The following MAX variants were observed in gnomAD, a reference collection of about 807,000 sequenced individuals.
MAX encodes MYC associated transcriptional regulator X, also known as protein max.
A neutral mutation model predicts 22.3 loss-of-function variants in MAX; 3 were observed. The observed-to-expected ratio is 0.13, with a 90% CI of 0.06 to 0.35. MAX has a LOEUF of 0.35. Among genes scored for constraint, MAX ranks in the 10% least tolerant of loss-of-function variants. The pLI is 1.00. For synonymous variants in MAX, 72 were observed against 77.7 expected, an observed-to-expected ratio of 0.93 and a Z score of 0.39; for missense variants, 119 against 209.4, an observed-to-expected ratio of 0.57 and a Z score of 2.66.
intron 3 of MAX, among the ~76,000 whole-genome samples, chr14:65,058,190 C>T (rs1201758437): frequency 6.8e-6 from 1 of 147,484 alleles, no homozygotes; most frequent in Non-Finnish European, 1.5e-5. Flanking sequence ...CATTTATGAA[C>T]ATAATTTTTC....
chr14:65,065,722 A>G (rs941456589), intron 3 of MAX, among the ~76,000 whole-genome samples: 1 of 152,136 alleles, frequency 6.6e-6, no homozygotes, highest in Non-Finnish European at 1.5e-5. Flanking sequence ...AAACTCTACC[A>G]CCAATTAGCC....
chr14:65,099,375 AC>A (rs1156765237), intron 2 of MAX, among the ~76,000 whole-genome samples: 15 of 152,182 alleles, frequency 9.9e-5, no homozygotes, highest in Admixed American at 9.8e-4. Flanking sequence ...AGGCACCTTA[AC>A]AGCAAACTAA....
chr14:65,077,268 G>A lies in MAX; in HGVS notation c.296-605C>T. 8.7e-7 allele frequency: 1 copy of A among 1,147,608 alleles called. No individual in the cohort carries two copies. The highest frequency in any genetic ancestry group is 1.3e-6 in the Non-Finnish European group (1 of 781,980). The allele number at this position is 1,147,608 out of a possible 1,614,324, so 71.1% of individuals were successfully genotyped here. A position where few individuals can be genotyped will look rare whatever the true frequency, so the allele number is the denominator to read the frequency against. On this transcript the variant is annotated intron_variant, in intron 4 of 4. Transcript: ENST00000358664. This position sits in a 1 kb window ranked among gnomAD's most constrained non-coding sequence, Gnocchi z 6.3. ...CCCATCCCTTGGTTCAGCTCAGCTT[G>A]AGCCTGGAAGGTCAACCCATTTAAT...
Position 65,028,326 on chromosome 14 carries a change from A to G in MAX, c.172-22042T>C, listed in dbSNP as rs929596478. Among the ~76,000 whole-genome samples, 6 of 152,208 alleles carry G rather than the reference A, an allele frequency of 3.9e-5. No homozygotes were observed. The highest frequency in any genetic ancestry group is 2.1e-4 in the South Asian group (1 of 4,828). The stretch of plus-strand genomic sequence containing the variant: ...TAGCTCGAAATTATTATTTTCTTCC[A>G]TAAGTGTCTGATGTACCAAGCAAGT... On this transcript the variant is annotated intron_variant, in intron 3 of 3. Coordinates refer to the MAX transcript ENST00000341653. This position sits in a 1 kb window ranked among gnomAD's most constrained non-coding sequence, Gnocchi z 4.4.
upstream of MAX, chr14:65,102,578 G>A (rs1359763600): frequency 1.4e-6 from 2 of 1,433,534 alleles, no homozygotes; most frequent in South Asian, 1.5e-5. Flanking sequence ...GACCAGGCTC[G>A]CAGCGCTGGG....
In MAX at chr14:65,093,732, T is replaced by A. The variant is rs2139883217; in HGVS notation, c.147A>T (p.Ser49=). The change falls in exon 3 of 5, where the codon TCA becomes TCT. Residue 49 remains serine, a synonymous_variant. Transcript: ENST00000358664. The surrounding 1 kb of genome is among the most constrained non-coding windows in gnomAD (Gnocchi z 4.4). ...IKDSFHSLRD[S]VPSLQGEKAS... ...CCTTCTCTCCTTGGAGTGATGGGACTGAGTCCCGCAAACTGTGAAAGCTGT... is the reference window on the plus strand; with the variant it reads ...CCTTCTCTCCTTGGAGTGATGGGACAGAGTCCCGCAAACTGTGAAAGCTGT... The A allele has an allele frequency of 6.2e-7, 1 of 1,607,844 alleles. No individual in the cohort carries two copies. Among genetic ancestry groups the A allele is most frequent in the Non-Finnish European group, 8.5e-7 (1 of 1,174,184 alleles).
intron 3 of MAX, chr14:65,061,379 A>G: frequency 6.2e-7 from 1 of 1,603,590 alleles, no homozygotes; most frequent in Non-Finnish European, 8.5e-7. Flanking sequence ...ATACGTTTCA[A>G]TACATACTGC....
At position 65,031,477 on chromosome 14, in the gene MAX, C is replaced by T. The variant is rs772349290; in HGVS notation, c.172-25193G>A. On this transcript the variant is annotated intron_variant, in intron 3 of 3. Transcript: ENST00000341653. The surrounding 1 kb of genome is among the most constrained non-coding windows in gnomAD (Gnocchi z 4.6). ...GGACTACGGGCACACGCCACCATGC[C>T]CAGCTAATTTTTGTGTTTTTAGTGG... Among the ~76,000 whole-genome samples, 5 of 151,930 alleles carry T rather than the reference C, an allele frequency of 3.3e-5. No homozygotes were observed. The highest frequency in any genetic ancestry group is 6.5e-5 in the Admixed American group (1 of 15,274).
In MAX at chr14:65,076,281, T is replaced by A. The variant is rs1205308456; in HGVS notation, c.*195A>T. On this transcript the variant is annotated 3_prime_UTR_variant, in exon 5 of 5. Coordinates refer to ENST00000358664, the MANE Select transcript of MAX (RefSeq NM_002382.5). This position sits in a 1 kb window ranked among gnomAD's most constrained non-coding sequence, Gnocchi z 6.6. The stretch of plus-strand genomic sequence containing the variant: ...CCTGAAGGGAATACATTAAAAAATA[T>A]ACAGTGGAAATGGGGAAGGAGAACG... 1.4e-6 allele frequency: 2 copies of A among 1,448,802 alleles called. No homozygotes were observed. Among genetic ancestry groups the A allele is most frequent in the African/African-American group, 2.9e-5 (2 of 69,606 alleles). The allele number at this position is 1,448,802 out of a possible 1,614,324, so 89.7% of individuals were successfully genotyped here. A position where few individuals can be genotyped will look rare whatever the true frequency, so the allele number is the denominator to read the frequency against.
chr14:65,024,878 C>CA (rs1653013553), intron 3 of MAX, among the ~76,000 whole-genome samples: 1 of 152,238 alleles, frequency 6.6e-6, no homozygotes, highest in African/African-American at 2.4e-5. Flanking sequence ...CTTGGCCTCC[C>CA]AAAGTACTGG....
chr14:65,055,057 G>A (rs1375626457), intron 3 of MAX, among the ~76,000 whole-genome samples: 2 of 152,250 alleles, frequency 1.3e-5, no homozygotes, highest in Admixed American at 6.5e-5. Flanking sequence ...GGCACTGGCT[G>A]TACAGCCTGC....
chr14:65,070,210 C>T (rs1055152041), downstream of MAX, among the ~76,000 whole-genome samples: 50 of 152,162 alleles, frequency 3.3e-4, no homozygotes, highest in African/African-American at 1.1e-3. The surrounding 1 kb of genome is among the most constrained non-coding windows in gnomAD (Gnocchi z 4.4). Flanking sequence ...GGAGAGAAGG[C>T]ACACCTCCCT....
chr14:65,073,167 T>C (rs1566593796), downstream of MAX, among the ~76,000 whole-genome samples: 1 of 152,170 alleles, frequency 6.6e-6, no homozygotes, highest in African/African-American at 2.4e-5. Context: ...CCTCATTTTA[T>C]AGATAAAGAT....
chr14:65,057,349 A>G (rs2062758901), intron 3 of MAX, among the ~76,000 whole-genome samples: 2 of 152,182 alleles, frequency 1.3e-5, no homozygotes, highest in Admixed American at 1.3e-4. Flanking sequence ...GAATCGCTTG[A>G]GCCCAGGTAG....
rs987360203 is a variant in MAX, at chr14:65,011,834, G to A, written c.172-5550C>T. Among the ~76,000 whole-genome samples, 1 of 152,210 alleles carries A rather than the reference G, an allele frequency of 6.6e-6. No individual in the cohort carries two copies. The highest frequency in any genetic ancestry group is 2.1e-4 in the South Asian group (1 of 4,828). ...GGGAGAGAATAATAGTTGGATAACC[G>A]AGAGGCAGGCAGGGAGTAAATTATG... On this transcript the variant is annotated intron_variant, in intron 3 of 3. Coordinates refer to the MAX transcript ENST00000341653. The surrounding 1 kb of genome is among the most constrained non-coding windows in gnomAD (Gnocchi z 4.0).
At chr14:65,039,167 C>T (rs1162606068) in intron 3 of MAX, among the ~76,000 whole-genome samples, 1 of 152,180 alleles carries the variant, frequency 6.6e-6, no homozygotes, top group African/African-American at 2.4e-5. Context: ...TCAAGCCATT[C>T]ATTGGGGAAT....
At chr14:65,081,926 A>G (rs760853809) in intron 3 of MAX, 1 of 152,182 alleles carries the variant, frequency 6.6e-6, no homozygotes, top group Non-Finnish European at 1.5e-5. Context: ...ACAAAGGGAT[A>G]CTGGGCAGCC....
chr14:65,101,334 C>CCATT (rs1369680401), intron 2 of MAX, among the ~76,000 whole-genome samples: 1 of 152,194 alleles, frequency 6.6e-6, no homozygotes, highest in Non-Finnish European at 1.5e-5. Context: ...CTCTTACTCA[C>CCATT]CTAGAATCAC....
At chr14:65,050,322 G>C (rs774431497) in intron 3 of MAX, among the ~76,000 whole-genome samples, 1 of 152,206 alleles carries the variant, frequency 6.6e-6, no homozygotes, top group Non-Finnish European at 1.5e-5. Flanking sequence ...CTGGCCGGGC[G>C]TGGTGGCTCA....
Sources: gnomAD v4.1 joint callset for allele counts (sites outside exome capture counted in the v4.1 genomes callset) on GRCh38, gnomAD v4.1.1 for gene constraint, Gnocchi (gnomAD v3.1) non-coding constraint, MANE v1.5 for transcripts, NCBI Gene and HGNC (gene_info 2026-07-23, HGNC 2026-07-21) for gene names.